Variants in SEPTIN14 observed in about 807,000 individuals in gnomAD.
SEPTIN14 encodes the protein septin 14.
A neutral mutation model predicts 53.6 loss-of-function variants in SEPTIN14; 40 were observed. The observed-to-expected ratio is 0.75, with a 90% CI of 0.58 to 0.97. SEPTIN14 has a LOEUF of 0.97. Ranked by LOEUF, SEPTIN14 falls within the 50% of genes least tolerant of loss-of-function variation. SEPTIN14 has a pLI of 0.00. For synonymous variants in SEPTIN14, 138 were observed against 166.8 expected (o/e 0.83, Z 1.33); for missense variants, 471 against 508.2 (o/e 0.93, Z 0.70).
At position 55,834,471 on chromosome 7, in the gene SEPTIN14, A is replaced by T. The variant is rs566043581; in HGVS notation, c.674T>A (p.Leu225His). ...LISNGIQIYQ[L>H]PTDEETAAQA... is the part of the protein sequence containing the mutation. The stretch of plus-strand genomic sequence containing the variant: ...AGCAGCAGTTTCTTCATCTGTTGGG[A>T]GCTGATATATCTGGATGCCATTGCT... Residue 225 changes from leucine (L) to histidine (H), a missense_variant, in exon 6 of 10, where the codon CTC becomes CAC. Coordinates refer to ENST00000388975, the MANE Select transcript of SEPTIN14 (RefSeq NM_207366.3). 6 of 1,613,162 alleles carry T rather than the reference A, an allele frequency of 3.7e-6. No individual in the cohort carries two copies. Among genetic ancestry groups the T allele is most frequent in the Non-Finnish European group, 5.1e-6 (6 of 1,179,580 alleles).
intron 6 of SEPTIN14, among the ~76,000 whole-genome samples, chr7:55,828,629 G>C (rs1384207052): frequency 6.6e-6 from 1 of 152,100 alleles, no homozygotes; most frequent in Non-Finnish European, 1.5e-5. Flanking sequence ...CAATAGGCTA[G>C]ACTAAGCAGA....
intron 5 of SEPTIN14, among the ~76,000 whole-genome samples, chr7:55,839,836 C>G (rs1015718647): frequency 1.3e-5 from 2 of 152,114 alleles, no homozygotes; most frequent in African/African-American, 4.8e-5. Flanking sequence ...ATAAAGCCTT[C>G]AAAGAGGTGA....
In SEPTIN14 at chr7:55,842,032, C is replaced by CAAAAT. The variant is rs1405365672; in HGVS notation, c.558+905_558+909dup. ...CCTGGGAGACAGTAAGACTCCATCTCAAAATAAAATAAAATAAAATAGATA... is the reference window on the plus strand; with the variant it reads ...CCTGGGAGACAGTAAGACTCCATCTCAAAATAAAATAAAATAAAATAAAATAGATA... On this transcript the variant is annotated intron_variant, in intron 5 of 9. Transcript: ENST00000388975. 1.1e-4 allele frequency among the ~76,000 whole-genome samples: 17 copies of CAAAAT among 151,894 alleles called. No homozygotes were observed. In the South Asian group the frequency reaches 1.3e-3, roughly 11 times the overall value.
At position 55,846,638 on chromosome 7, in the gene SEPTIN14, C is replaced by T. The variant is rs746926027; in HGVS notation, c.55-1G>A. ...AACAACGAATATTATTTTCTTTTTG[C>T]TTAAATAAAACAAAAATTTAGAGTT... On this transcript the variant is annotated splice_acceptor_variant, in intron 2 of 9. Coordinates refer to ENST00000388975, the MANE Select transcript of SEPTIN14 (RefSeq NM_207366.3). LOFTEE classifies it high-confidence loss of function. 3 of 1,449,364 alleles carry T rather than the reference C, an allele frequency of 2.1e-6. No homozygotes were observed. The highest frequency in any genetic ancestry group is 4.6e-5 in the East Asian group (2 of 43,302). 89.8% of individuals were successfully genotyped at this position (1,449,364 alleles called of 1,614,324 possible).
chr7:55,816,885 A>T (rs1215380976), intron 7 of SEPTIN14, among the ~76,000 whole-genome samples: 3 of 152,186 alleles, frequency 2.0e-5, no homozygotes, highest in Non-Finnish European at 4.4e-5. Context: ...GCTGGTAAGG[A>T]TGTGGAAAAA....
chr7:55,809,948 C>G (rs1321362631), intron 7 of SEPTIN14, among the ~76,000 whole-genome samples: 7 of 151,182 alleles, frequency 4.6e-5, no homozygotes, highest in Middle Eastern at 3.4e-3. Flanking sequence ...TTCTCCTGCC[C>G]CAGCCTCCCA....
At chr7:55,839,020 T>G (rs1789258956) in intron 5 of SEPTIN14, among the ~76,000 whole-genome samples, 1 of 152,296 alleles carries the variant, frequency 6.6e-6, no homozygotes, top group East Asian at 1.9e-4. Flanking sequence ...ATCTCACTAT[T>G]CACCTCATTT....
chr7:55,855,984 A>G (rs1789617269), intron 2 of SEPTIN14, among the ~76,000 whole-genome samples: 2 of 152,140 alleles, frequency 1.3e-5, no homozygotes, highest in Non-Finnish European at 2.9e-5. Flanking sequence ...GATTTAATGT[A>G]TGTATTTAAT....
intron 7 of SEPTIN14, among the ~76,000 whole-genome samples, chr7:55,815,422 A>G (rs182912598): frequency 1.6e-4 from 24 of 152,320 alleles, no homozygotes; most frequent in Non-Finnish European, 2.5e-4. Context: ...AAACAACTCA[A>G]TAGGAAAAAA....
chr7:55,845,947 G>T (rs1473036234), intron 3 of SEPTIN14, among the ~76,000 whole-genome samples: 3 of 149,286 alleles, frequency 2.0e-5, no homozygotes, highest in African/African-American at 7.3e-5. Context: ...TACTTGGGAG[G>T]CTGAGGCAGG....
intron 2 of SEPTIN14, among the ~76,000 whole-genome samples, chr7:55,856,123 A>G (rs1267099841): frequency 6.6e-6 from 1 of 152,016 alleles, no homozygotes; most frequent in Non-Finnish European, 1.5e-5. Context: ...AGTACTCAAT[A>G]GGTAGATTTT....
intron 9 of SEPTIN14, among the ~76,000 whole-genome samples, chr7:55,801,440 A>G (rs1431013356): frequency 6.6e-6 from 1 of 152,192 alleles, no homozygotes; most frequent in Non-Finnish European, 1.5e-5. Flanking sequence ...AACCTAAAAA[A>G]GAAATTGGAT....
intron 9 of SEPTIN14, among the ~76,000 whole-genome samples, chr7:55,796,909 G>A (rs891250310): frequency 7.9e-5 from 12 of 152,154 alleles, no homozygotes; most frequent in Non-Finnish European, 1.3e-4. Flanking sequence ...CAGATCACAA[G>A]GTCAGGAGTT....
chr7:55,825,355 T>C (rs1365346344), intron 6 of SEPTIN14, among the ~76,000 whole-genome samples: 1 of 152,106 alleles, frequency 6.6e-6, no homozygotes, highest in Non-Finnish European at 1.5e-5. Flanking sequence ...GGGAGACAAA[T>C]GAATAGGTCA....
intron 6 of SEPTIN14, among the ~76,000 whole-genome samples, chr7:55,829,387 AAAAG>A (rs1277899359): frequency 1.3e-5 from 2 of 151,246 alleles, no homozygotes; most frequent in South Asian, 2.1e-4. Flanking sequence ...TCAAAAAAAA[AAAAG>A]AAAGAAAGAA....
intron 9 of SEPTIN14, among the ~76,000 whole-genome samples, chr7:55,803,435 G>A (rs1307295092): frequency 1.3e-5 from 2 of 152,080 alleles, no homozygotes; most frequent in African/African-American, 2.4e-5. Context: ...AAAGGTAAGT[G>A]TTTATAAGAA....
At position 55,843,040 on chromosome 7, in the gene SEPTIN14, G is replaced by T. The variant is rs2116050484; in HGVS notation, c.460C>A (p.His154Asn). ...LKIKRSLFEY[H>N]DSRVHVCLYF... ...AGACACACGTGGACGCGAGAATCAT[G>T]GTACTCAAACAAGGAACGTTTAATC... The change falls in exon 5 of 10, where the codon CAT (histidine) becomes AAT (asparagine). Residue 154 changes from histidine (H) to asparagine (N), a missense_variant. Coordinates refer to ENST00000388975, the MANE Select transcript of SEPTIN14 (RefSeq NM_207366.3). The T allele has an allele frequency of 6.2e-7, 1 of 1,602,574 alleles. No homozygotes were observed. Among genetic ancestry groups the T allele is most frequent in the East Asian group, 2.2e-5 (1 of 44,616 alleles).
At chr7:55,822,804 T>C (rs1450325058) in intron 6 of SEPTIN14, among the ~76,000 whole-genome samples, 1 of 146,594 alleles carries the variant, frequency 6.8e-6, no homozygotes, top group South Asian at 2.1e-4. Flanking sequence ...TAGAAGATAA[T>C]GTAGAGTCCT....
rs146981559 is a variant in SEPTIN14 at position 55,814,377 on chromosome 7, C to T, written c.817+4750G>A. Among the ~76,000 whole-genome samples the T allele has an allele frequency of 9.5e-4, 144 of 152,162 alleles. 2 individuals are homozygous for T. The highest frequency in any genetic ancestry group is 3.3e-3 in the African/African-American group (137 of 41,496). On this transcript the variant is annotated intron_variant, in intron 7 of 9. Coordinates refer to ENST00000388975, the MANE Select transcript of SEPTIN14 (RefSeq NM_207366.3). ...CCAAATGAGGCACTAATGACAAATC[C>T]CAATCACATATCTCAGGACAGATAT...
Sources: gnomAD v4.1 joint callset for allele counts (sites outside exome capture counted in the v4.1 genomes callset) on GRCh38, gnomAD v4.1.1 for gene constraint, MANE v1.5 for transcripts, NCBI Gene and HGNC (gene_info 2026-07-23, HGNC 2026-07-21) for gene names.